Variants in ABAT observed in about 807,000 individuals in gnomAD.
The protein encoded by ABAT is 4-aminobutyrate aminotransferase.
ABAT carries 45 observed loss-of-function variants against 64.6 expected under a neutral mutation model. The ratio of observed to expected loss-of-function variants is 0.70; its 90% CI spans 0.55 to 0.89. The LOEUF (loss-of-function observed/expected upper bound fraction) is 0.89. Among genes scored for constraint, ABAT ranks in the 40% least tolerant of loss-of-function variants. The pLI, the probability that ABAT is intolerant of heterozygous loss-of-function variation, is 0.00. For missense variants in ABAT, 633 were observed against 658.4 expected, an observed-to-expected ratio of 0.96 and a Z score of 0.42; for synonymous variants, 297 against 250.5, an observed-to-expected ratio of 1.19 and a Z score of -1.75.
intron 4 of ABAT, among the ~76,000 whole-genome samples, chr16:8,748,537 T>G (rs1198178628): frequency 6.6e-6 from 1 of 152,216 alleles, no homozygotes; most frequent in African/African-American, 2.4e-5. Context: ...CTATAGATGT[T>G]TCTTAGGTCT....
At position 8,784,032 on chromosome 16, in the gene ABAT, G is replaced by A. The variant is rs1215267705; in HGVS notation, c.*2602G>A. 1 of 152,284 alleles carries A rather than the reference G, an allele frequency of 6.6e-6. No individual in the cohort carries two copies. The highest frequency in any genetic ancestry group is 1.5e-5 in the Non-Finnish European group (1 of 68,044). The allele number at this position is 152,284 out of a possible 1,614,324, so 9.4% of individuals were successfully genotyped here. A position where few individuals can be genotyped will look rare whatever the true frequency, so the allele number is the denominator to read the frequency against. ...TTCAAGGAAAAGAATTCTCAGCAGA[G>A]CTCAAGATTGTAGAAACTCAGCAGA... On this transcript the variant is annotated 3_prime_UTR_variant, in exon 16 of 16. Transcript: ENST00000268251.
chr16:8,697,642 G>A (rs60489992), intron 1 of ABAT, among the ~76,000 whole-genome samples: 7 of 149,004 alleles, frequency 4.7e-5, no homozygotes, highest in African/African-American at 1.2e-4. Flanking sequence ...TTGTTTTTTG[G>A]TTTTTTTTTT....
chr16:8,745,705 A>AAT (rs2059308812), intron 2 of ABAT, among the ~76,000 whole-genome samples: 1 of 152,144 alleles, frequency 6.6e-6, no homozygotes, highest in African/African-American at 2.4e-5. Context: ...CTCAAAAAAA[A>AAT]ATGAATAAAT....
intron 1 of ABAT, among the ~76,000 whole-genome samples, chr16:8,716,575 T>TC (rs1283597108): frequency 6.6e-6 from 1 of 152,070 alleles, no homozygotes; most frequent in South Asian, 2.1e-4. Context: ...GTTCAGAAGA[T>TC]CCCCCCATGT....
At position 8,734,033 on chromosome 16, in the gene ABAT, C is replaced by G. The variant is rs532480945; in HGVS notation, c.-41-1666C>G. Among the ~76,000 whole-genome samples, 5 of 152,308 alleles carry G rather than the reference C, an allele frequency of 3.3e-5. No individual in the cohort carries two copies. The South Asian group carries it at 8.3e-4, about 25-fold the overall frequency. On this transcript the variant is annotated intron_variant, in intron 1 of 15. Transcript: ENST00000268251. ...ATACAGCATATTTTTTCCCATTCATCTGTCAATGGACGTCTAGGTTGCTTC... is the reference window on the plus strand; with the variant it reads ...ATACAGCATATTTTTTCCCATTCATGTGTCAATGGACGTCTAGGTTGCTTC...
chr16:8,713,379 T>C (rs1044116144), intron 1 of ABAT: 3 of 159,842 alleles, frequency 1.9e-5, no homozygotes, highest in African/African-American at 7.2e-5. Context: ...CTTATCCTTC[T>C]GGCTTAAACC....
At chr16:8,728,135 T>A (rs1188203640) in intron 1 of ABAT, among the ~76,000 whole-genome samples, 1 of 152,210 alleles carries the variant, frequency 6.6e-6, no homozygotes, top group African/African-American at 2.4e-5. Context: ...AACAGGTGCC[T>A]AATTAACTTG....
chr16:8,722,780 G>C (rs974095478), intron 1 of ABAT: 1 of 1,286,560 alleles, frequency 7.8e-7, no homozygotes, highest in Non-Finnish European at 1.0e-6. Context: ...CGCCCATCCA[G>C]GGTCTAGCGG....
In ABAT at chr16:8,782,651, T is replaced by C. The variant is rs2060466978; in HGVS notation, c.*1221T>C. 1 of 152,296 alleles carries C rather than the reference T, an allele frequency of 6.6e-6. No individual in the cohort carries two copies. The highest frequency in any genetic ancestry group is 1.5e-5 in the Non-Finnish European group (1 of 68,088). The allele number at this position is 152,296 out of a possible 1,614,324, so 9.4% of individuals were successfully genotyped here. On this transcript the variant is annotated 3_prime_UTR_variant, in exon 16 of 16. Coordinates refer to ENST00000268251, the MANE Select transcript of ABAT (RefSeq NM_020686.6). The stretch of plus-strand genomic sequence containing the variant: ...TACCAGGCAGATGATACCGAAATGC[T>C]TAAAGGGGCTGTGGCTGAGGCTGTA...
intron 2 of ABAT, among the ~76,000 whole-genome samples, chr16:8,739,757 C>G (rs1400402984): frequency 9.7e-6 from 1 of 103,318 alleles, no homozygotes; most frequent in African/African-American, 3.1e-5. Context: ...ATGCAAAAAA[C>G]AAAAAAACAG....
chr16:8,725,024 C>A (rs2058503577), intron 1 of ABAT, among the ~76,000 whole-genome samples: 1 of 151,714 alleles, frequency 6.6e-6, no homozygotes, highest in Admixed American at 6.6e-5. Flanking sequence ...CCAAGCGATT[C>A]TCCCGCCTCA....
At chr16:8,767,042 C>T (rs1408691473) in intron 9 of ABAT, among the ~76,000 whole-genome samples, 2 of 152,142 alleles carry the variant, frequency 1.3e-5, no homozygotes, top group South Asian at 2.1e-4. Flanking sequence ...GGGTTTTTCC[C>T]AGAGGTCTCA....
At position 8,781,383 on chromosome 16, in the gene ABAT, C is replaced by A; in HGVS notation, c.1456C>A (p.His486Asn). The change falls in exon 16 of 16, where the codon CAC becomes AAC. Residue 486 changes from histidine (H) to asparagine (N), a missense_variant. Transcript: ENST00000268251. The surrounding 1 kb of genome is among the most constrained non-coding windows in gnomAD (Gnocchi z 4.5). The stretch of plus-strand genomic sequence containing the variant: ...GCTGGTCTTCAGGGATCACCACGCT[C>A]ACCTGTTCCTCAATATTTTCAGTGA... ...PTLVFRDHHA[H>N]LFLNIFSDIL... is the part of the protein sequence containing the mutation. The A allele has an allele frequency of 2.5e-6, 4 of 1,614,232 alleles. No homozygotes were observed. The highest frequency in any genetic ancestry group is 3.4e-6 in the Non-Finnish European group (4 of 1,180,044).
At chr16:8,724,850 T>G (rs1337379699) in intron 1 of ABAT, among the ~76,000 whole-genome samples, 1 of 150,554 alleles carries the variant, frequency 6.6e-6, no homozygotes, top group African/African-American at 2.4e-5. Context: ...GTGTCATTAC[T>G]CTACACACAC....
intron 6 of ABAT, among the ~76,000 whole-genome samples, chr16:8,761,362 C>T (rs2059793322): frequency 6.6e-6 from 1 of 152,208 alleles, no homozygotes; most frequent in Admixed American, 6.5e-5. Flanking sequence ...GGAACCCTTC[C>T]CTGGTACTTA....
chr16:8,751,894 G>A (rs2059497177), intron 5 of ABAT, among the ~76,000 whole-genome samples: 1 of 152,232 alleles, frequency 6.6e-6, no homozygotes, highest in Admixed American at 6.5e-5. Flanking sequence ...TGGAAATGCA[G>A]GTAGCTGCTA....
chr16:8,726,046 G>A (rs2058542846), intron 1 of ABAT, among the ~76,000 whole-genome samples: 1 of 151,444 alleles, frequency 6.6e-6, no homozygotes, highest in Non-Finnish European at 1.5e-5. Context: ...AATTTTTTTT[G>A]TACCCATTAA....
chr16:8,768,712 G>T lies in ABAT; in HGVS notation c.668-113G>T, dbSNP rs112867827. On this transcript the variant is annotated intron_variant, in intron 10 of 15. Coordinates refer to ENST00000268251, the MANE Select transcript of ABAT (RefSeq NM_020686.6). The stretch of plus-strand genomic sequence containing the variant: ...AGAACTGGGGTTTCACAGGCAACAG[G>T]CCTCCCTGCCCACTGACAGCCTTGC... The T allele has an allele frequency of 9.0e-5, 130 of 1,443,890 alleles. No homozygotes were observed. The African/African-American group carries it at 1.3e-3, about 15-fold the overall frequency. 89.4% of individuals were successfully genotyped at this position (1,443,890 alleles called of 1,614,324 possible).
chr16:8,764,834 A>T lies in ABAT; in HGVS notation c.540+4A>T. On this transcript the variant is annotated splice_donor_region_variant and intron_variant, in intron 8 of 15. Coordinates refer to ENST00000268251, the MANE Select transcript of ABAT (RefSeq NM_020686.6). This position sits in a 1 kb window ranked among gnomAD's most constrained non-coding sequence, Gnocchi z 4.2. ...GACCATCTTCATGTGGTACCGGGTG[A>T]GGTTTGGGGCACACACACACACACA... 6.2e-7 allele frequency: 1 copy of T among 1,608,178 alleles called. No individual in the cohort carries two copies. Among genetic ancestry groups the T allele is most frequent in the Non-Finnish European group, 8.5e-7 (1 of 1,177,268 alleles).
Sources: allele counts gnomAD v4.1 joint callset (sites outside exome capture counted in the v4.1 genomes callset), GRCh38; gene constraint gnomAD v4.1.1; non-coding constraint Gnocchi (gnomAD v3.1); transcripts MANE v1.5; gene names NCBI Gene and HGNC (gene_info 2026-07-23, HGNC 2026-07-21).